INO80D: variants seen among roughly 807,000 people sequenced by gnomAD.
INO80D encodes the protein INO80 complex subunit D.
INO80D carries 21 observed loss-of-function variants against 87.6 expected under a neutral mutation model. The observed-to-expected ratio is 0.24, with a 90% CI of 0.17 to 0.35. INO80D has a LOEUF of 0.35. Ranked by LOEUF, INO80D falls within the 10% of genes least tolerant of loss-of-function variation. The pLI is 1.00. For missense variants in INO80D, 982 were observed against 1,280.7 expected (o/e 0.77, Z 3.56); for synonymous variants, 440 against 491.0 (o/e 0.90, Z 1.37).
At chr2:206,028,481 A>T (rs772473621) in intron 5 of INO80D, 146 bp from the exon 6 acceptor site, 27 of 594,538 alleles carry the variant, frequency 4.5e-5, no homozygotes, top group Non-Finnish European at 8.0e-5. Flanking sequence ...AATTAGAGTA[A>T]GAGAATTCCA....
chr2:206,038,203 A>C (rs947213799), intron 5 of INO80D, among the ~76,000 whole-genome samples: 46 of 152,172 alleles, frequency 3.0e-4, no homozygotes, highest in African/African-American at 1.0e-3. Flanking sequence ...GCATAACAAA[A>C]CTGCATGTGT....
intron 4 of INO80D, among the ~76,000 whole-genome samples, chr2:206,054,442 A>G (rs1368946528): frequency 6.6e-6 from 1 of 152,178 alleles, no homozygotes; most frequent in Non-Finnish European, 1.5e-5. Context: ...ATCCTTGCAC[A>G]TATATCCTTA....
At position 206,007,330 on chromosome 2, in the gene INO80D, G is replaced by A. The variant is rs1313763295; in HGVS notation, c.1872C>T (p.Val624=). 1 of 1,613,700 alleles carries A rather than the reference G, an allele frequency of 6.2e-7. No homozygotes were observed. Among genetic ancestry groups the A allele is most frequent in the African/African-American group, 1.3e-5 (1 of 75,010 alleles). The change falls in exon 10 of 11, where the codon GTC becomes GTT. Residue 624 remains valine (V), a synonymous_variant. Transcript: ENST00000403263. The part of the protein sequence containing the change: ...LELNQEDFSD[V]LPRLPDDLQD... ...GTAAGTCATCAGGTAGCCGTGGCAGGACATCTGAAAAGTCCTCCTGGTTCA... is the reference window on the plus strand; with the variant it reads ...GTAAGTCATCAGGTAGCCGTGGCAGAACATCTGAAAAGTCCTCCTGGTTCA...
chr2:206,077,457 A>C (rs893942192), intron 1 of INO80D, among the ~76,000 whole-genome samples: 3 of 152,204 alleles, frequency 2.0e-5, no homozygotes, highest in African/African-American at 7.2e-5. Flanking sequence ...GGTTTTCTGA[A>C]TAGTTTCCTA....
Position 206,053,277 on chromosome 2 carries a change from T to A in INO80D, c.964+2921A>T, listed in dbSNP as rs184826012. On this transcript the variant is annotated intron_variant, in intron 4 of 10. Coordinates refer to ENST00000403263, the MANE Select transcript of INO80D (RefSeq NM_017759.5). The stretch of plus-strand genomic sequence containing the variant: ...GGACATAAGCTGGATACAACTTAAA[T>A]GGAAGACAGAATTCAGCCATGACAA... 1.8e-3 allele frequency among the ~76,000 whole-genome samples: 269 copies of A among 152,240 alleles called. 3 individuals carry two copies. The highest frequency in any genetic ancestry group is 5.6e-4 in the Non-Finnish European group (38 of 68,006).
intron 1 of INO80D, among the ~76,000 whole-genome samples, chr2:206,080,183 T>C (rs1368907513): frequency 6.6e-6 from 1 of 152,186 alleles, no homozygotes; most frequent in Non-Finnish European, 1.5e-5. Flanking sequence ...AGCTAATCTG[T>C]TAAATGAATG....
At chr2:206,007,241 C>G in intron 10 of INO80D, 43 bp downstream of exon 10, 1 of 1,557,064 alleles carries the variant, frequency 6.4e-7, no homozygotes, top group East Asian at 2.2e-5. Flanking sequence ...CTTATAAACT[C>G]ATTTTTAAAA....
rs1056330039 is a variant in INO80D, at chr2:205,997,411, G to C, written c.*6957C>G. 1 of 151,964 alleles carries C rather than the reference G, an allele frequency of 6.6e-6. No individual in the cohort carries two copies. Among genetic ancestry groups the C allele is most frequent in the Admixed American group, 6.5e-5 (1 of 15,268 alleles). The allele number at this position is 151,964 out of a possible 1,614,324, so 9.4% of individuals were successfully genotyped here. On this transcript the variant is annotated 3_prime_UTR_variant, in exon 11 of 11. Coordinates refer to ENST00000403263, the MANE Select transcript of INO80D (RefSeq NM_017759.5). Reference sequence around the variant, plus strand: ...AGCTTTGAAATATGCACGGTGAAATGATCCCACCAACTCCTTAAACAAAGC... The same window carrying C: ...AGCTTTGAAATATGCACGGTGAAATCATCCCACCAACTCCTTAAACAAAGC...
chr2:206,028,892 G>GTT (rs985306696), intron 5 of INO80D, among the ~76,000 whole-genome samples: 3 of 142,870 alleles, frequency 2.1e-5, no homozygotes, highest in Non-Finnish European at 4.6e-5. Flanking sequence ...TTGTTTTTTT[G>GTT]TTTTTTTTTT....
At chr2:206,026,745 G>A (rs1688625741) in intron 6 of INO80D, among the ~76,000 whole-genome samples, 1 of 150,672 alleles carries the variant, frequency 6.6e-6, no homozygotes, top group South Asian at 2.1e-4. Flanking sequence ...AATTTTATAG[G>A]TATAAACAAA....
chr2:206,061,677 A>G (rs1689694404), intron 3 of INO80D, among the ~76,000 whole-genome samples: 1 of 152,236 alleles, frequency 6.6e-6, no homozygotes, highest in African/African-American at 2.4e-5. Context: ...GTATTCCTAA[A>G]TCCCCATTAA....
chr2:206,032,090 C>T (rs576438579), intron 5 of INO80D, among the ~76,000 whole-genome samples: 11 of 152,130 alleles, frequency 7.2e-5, no homozygotes, highest in Admixed American at 1.3e-4. Context: ...AGAGATCTTT[C>T]GGGAGGGCAG....
intron 5 of INO80D, among the ~76,000 whole-genome samples, chr2:206,035,861 G>A (rs751115190): frequency 5.3e-5 from 8 of 152,016 alleles, no homozygotes; most frequent in Non-Finnish European, 7.4e-5. Context: ...AATCCACAAC[G>A]AACCCAGACA....
Position 206,078,782 on chromosome 2 carries a change from TA to T in INO80D, c.-124+7118del, listed in dbSNP as rs576137594. Among the ~76,000 whole-genome samples, 23 of 151,956 alleles carry T rather than the reference TA, an allele frequency of 1.5e-4. No individual in the cohort carries two copies. The South Asian group carries it at 3.7e-3, about 25-fold the overall frequency. Reference sequence around the variant, plus strand: ...CAAGATGGTGAAACCCCGTCTCTACTAAAAACACAAAAATTACTGGGTGTGG... The same window carrying T: ...CAAGATGGTGAAACCCCGTCTCTACTAAAACACAAAAATTACTGGGTGTGG... On this transcript the variant is annotated intron_variant, in intron 1 of 10. Transcript: ENST00000403263.
intron 3 of INO80D, among the ~76,000 whole-genome samples, chr2:206,058,418 CAAA>C (rs59790218): frequency 8.0e-6 from 1 of 125,328 alleles, no homozygotes; most frequent in African/African-American, 3.5e-5. Context: ...GACTCTGTCT[CAAA>C]AAAAAAAAAA....
intron 8 of INO80D, 34 bp downstream of exon 8, chr2:206,017,646 C>T: frequency 6.6e-7 from 1 of 1,513,270 alleles, no homozygotes. Context: ...TGGATAGCTA[C>T]AAAAAGTTTG....
intron 4 of INO80D, among the ~76,000 whole-genome samples, chr2:206,053,004 C>A (rs818006): frequency 0.62 from 93,834 of 151,882 alleles, 30,654 homozygotes; most frequent in South Asian, 0.73. Flanking sequence ...AACAATAATA[C>A]TACTACCCAG....
intron 5 of INO80D, among the ~76,000 whole-genome samples, chr2:206,044,119 G>C (rs1575840538): frequency 6.6e-6 from 1 of 152,134 alleles, no homozygotes; most frequent in East Asian, 1.9e-4. Flanking sequence ...TTTGAGCCTG[G>C]GAGTTCAAGA....
intron 1 of INO80D, among the ~76,000 whole-genome samples, chr2:206,066,163 C>G (rs1227690317): frequency 6.6e-6 from 1 of 152,026 alleles, no homozygotes; most frequent in African/African-American, 2.4e-5. Context: ...AAGGCTGAGG[C>G]AGGAGGATCG....
Sources: gnomAD v4.1 joint callset for allele counts (sites outside exome capture counted in the v4.1 genomes callset) on GRCh38, gnomAD v4.1.1 for gene constraint, MANE v1.5 for transcripts, NCBI Gene and HGNC (gene_info 2026-07-23, HGNC 2026-07-21) for gene names.